The following CSTF3 variants were observed in gnomAD, a reference collection of about 807,000 sequenced individuals.
The protein encoded by CSTF3 is CF-1 77 kDa subunit.
A neutral mutation model predicts 105.8 loss-of-function variants in CSTF3; 29 were observed. That is an observed-to-expected ratio of 0.27 (90% CI 0.20 to 0.37). CSTF3 has a LOEUF of 0.37. Ranked by LOEUF, CSTF3 falls within the 10% of genes least tolerant of loss-of-function variation. CSTF3 has a pLI of 1.00. For synonymous variants in CSTF3, 252 were observed against 281.9 expected (o/e 0.89, Z 1.06); for missense variants, 357 against 879.3 (o/e 0.41, Z 7.51).
At chr11:33,128,147 C>T (rs2133790995) in intron 3 of CSTF3, among the ~76,000 whole-genome samples, 2 of 152,210 alleles carry the variant, frequency 1.3e-5, no homozygotes, top group East Asian at 3.9e-4. Flanking sequence ...TTCTAGGAAT[C>T]AAACTCATGC....
At chr11:33,105,798 T>C in intron 7 of CSTF3, 85 bp downstream of exon 7, 10 of 1,511,178 alleles carry the variant, frequency 6.6e-6, no homozygotes, top group Admixed American at 4.2e-5. Context: ...CTATGGAAAA[T>C]AGTATGGAGA....
intron 3 of CSTF3, among the ~76,000 whole-genome samples, chr11:33,111,867 TGA>T (rs1438193353): frequency 6.6e-6 from 1 of 152,220 alleles, no homozygotes; most frequent in Non-Finnish European, 1.5e-5. Context: ...AAATATTATT[TGA>T]GAGACCTTCT....
chr11:33,161,223 G>T, intron 1 of CSTF3, 76 bp downstream of exon 1: 5 of 1,553,844 alleles, frequency 3.2e-6, no homozygotes, highest in Non-Finnish European at 4.4e-6. Flanking sequence ...TTCCTCAGCC[G>T]AACATGTCTG....
At chr11:33,159,645 C>T (rs1035229073) in intron 1 of CSTF3, among the ~76,000 whole-genome samples, 2 of 148,998 alleles carry the variant, frequency 1.3e-5, no homozygotes, top group African/African-American at 5.0e-5. Context: ...TGGTGGCGCG[C>T]GCCTGTACTC....
chr11:33,107,247 G>C (rs1855336349), intron 5 of CSTF3, among the ~76,000 whole-genome samples: 1 of 152,168 alleles, frequency 6.6e-6, no homozygotes, highest in South Asian at 2.1e-4. Context: ...AGCCCAAGAG[G>C]TTGAGGCTAC....
chr11:33,157,061 AAAC>A (rs1277305349), intron 1 of CSTF3, among the ~76,000 whole-genome samples: 3 of 151,902 alleles, frequency 2.0e-5, no homozygotes, highest in Non-Finnish European at 2.9e-5. Flanking sequence ...TAAAAAAAAC[AAAC>A]ACCACAGGCT....
chr11:33,091,740 ACT>A (rs890365710), intron 16 of CSTF3, among the ~76,000 whole-genome samples: 1 of 151,918 alleles, frequency 6.6e-6, no homozygotes, highest in Non-Finnish European at 1.5e-5. Context: ...ACAGAGTCTC[ACT>A]CTGTCACCCA....
intron 1 of CSTF3, among the ~76,000 whole-genome samples, chr11:33,153,675 C>A (rs150034385): frequency 4.2e-5 from 6 of 143,882 alleles, no homozygotes; most frequent in African/African-American, 1.5e-4. Context: ...TAATAATAAT[C>A]TAATTTCTTC....
chr11:33,144,933 C>T lies in CSTF3; in HGVS notation c.28-2947G>A, dbSNP rs1337070778. 5 of 199,778 alleles carry T rather than the reference C, an allele frequency of 2.5e-5. No homozygotes were observed. In the East Asian group the frequency reaches 5.3e-4, roughly 21 times the overall value. The allele number at this position is 199,778 out of a possible 1,614,324, so 12.4% of individuals were successfully genotyped here. On this transcript the variant is annotated intron_variant, in intron 1 of 20. Coordinates refer to ENST00000323959, the MANE Select transcript of CSTF3 (RefSeq NM_001326.3). ...AGAAGTTGCAGGGAACTGAGATTGC[C>T]GCCACTGCACTCGGGCCTGGGTGAC...
intron 3 of CSTF3, among the ~76,000 whole-genome samples, chr11:33,118,975 G>A (rs1284752385): frequency 4.0e-5 from 6 of 151,480 alleles, no homozygotes; most frequent in African/African-American, 1.5e-4. Context: ...ATTACTACAG[G>A]AACTTTATAT....
intron 5 of CSTF3, among the ~76,000 whole-genome samples, 193 bp from the exon 6 acceptor site, chr11:33,106,257 A>T (rs565309009): frequency 2.0e-4 from 30 of 152,172 alleles, no homozygotes; most frequent in African/African-American, 7.0e-4. Context: ...AAAAATAAAA[A>T]TTAAAAAAAT....
chr11:33,146,929 G>T (rs756213608), intron 1 of CSTF3, among the ~76,000 whole-genome samples: 6 of 151,654 alleles, frequency 4.0e-5, no homozygotes, highest in Non-Finnish European at 5.9e-5. Flanking sequence ...ACTTTGAGAG[G>T]CCAAGGCATG....
intron 10 of CSTF3, among the ~76,000 whole-genome samples, chr11:33,101,636 C>A (rs927177): frequency 0.56 from 84,640 of 152,048 alleles, 26,159 homozygotes; most frequent in Non-Finnish European, 0.69. Context: ...AGGAAGATGA[C>A]AGAATCTACA....
intron 3 of CSTF3, among the ~76,000 whole-genome samples, chr11:33,123,109 T>C (rs562049618): frequency 6.6e-6 from 1 of 151,748 alleles, no homozygotes; most frequent in East Asian, 1.9e-4. Flanking sequence ...TTATCAAAAT[T>C]ATTTCAACTT....
chr11:33,137,774 T>G, intron 3 of CSTF3, among the ~76,000 whole-genome samples: 1 of 106,090 alleles, frequency 9.4e-6, no homozygotes, highest in Non-Finnish European at 2.2e-5. Context: ...ACAGATTTTT[T>G]TTGGTAAAAA....
intron 8 of CSTF3, among the ~76,000 whole-genome samples, chr11:33,104,264 A>G (rs1855306893): frequency 6.6e-6 from 1 of 152,212 alleles, no homozygotes; most frequent in South Asian, 2.1e-4. Flanking sequence ...ATGAGATCAA[A>G]ATAGTTGTCA....
rs71479194 is a variant in CSTF3 at position 33,120,333 on chromosome 11, T to G, written c.226-11915A>C. On this transcript the variant is annotated intron_variant, in intron 3 of 20. Coordinates refer to ENST00000323959, the MANE Select transcript of CSTF3 (RefSeq NM_001326.3). ...CAGATCTGGAAAAGTTAACTGTGAT[T>G]AAGTTATAGTTCAAAGGTAGTGGGA... is the stretch of plus-strand genomic sequence containing the variant. Among the ~76,000 whole-genome samples the G allele has an allele frequency of 8.1e-3, 1,233 of 151,996 alleles. 12 individuals are homozygous for G. Among genetic ancestry groups the G allele is most frequent in the Non-Finnish European group, 0.013 (853 of 67,746 alleles).
At chr11:33,124,786 C>G (rs989067474) in intron 3 of CSTF3, among the ~76,000 whole-genome samples, 1 of 152,174 alleles carries the variant, frequency 6.6e-6, no homozygotes, top group African/African-American at 2.4e-5. Context: ...TAACATGACT[C>G]TGGGTACAGA....
intron 15 of CSTF3, among the ~76,000 whole-genome samples, chr11:33,093,864 T>C (rs1855193369): frequency 6.6e-6 from 1 of 152,092 alleles, no homozygotes; most frequent in South Asian, 2.1e-4. Context: ...CACGCCACCA[T>C]GCCCGGCTAG....
Sources: gnomAD v4.1 joint callset for allele counts (sites outside exome capture counted in the v4.1 genomes callset) on GRCh38, gnomAD v4.1.1 for gene constraint, MANE v1.5 for transcripts, NCBI Gene and HGNC (gene_info 2026-07-23, HGNC 2026-07-21) for gene names.